POLR3F: variants seen among roughly 807,000 people sequenced by gnomAD.
The protein encoded by POLR3F is RNA polymerase III subunit F.
In POLR3F, 31 loss-of-function variants were observed where a neutral mutation model predicts 43.6. That is an observed-to-expected ratio of 0.71 (90% confidence interval 0.53 to 0.96). POLR3F has a LOEUF of 0.96. Among genes scored for constraint, POLR3F ranks in the 40% least tolerant of loss-of-function variants. The pLI, the probability that POLR3F is intolerant of heterozygous loss-of-function variation, is 0.00. For synonymous variants in POLR3F, 114 were observed against 132.5 expected, an observed-to-expected ratio of 0.86 and a Z score of 0.96; for missense variants, 316 against 391.7, an observed-to-expected ratio of 0.81 and a Z score of 1.63.
At chr20:18,480,593 GT>G (rs57962043) in intron 7 of POLR3F, 84 bp downstream of exon 7, 371,537 of 566,272 alleles carry the variant, frequency 0.66, 95,552 homozygotes, top group African/African-American at 0.72. Flanking sequence ...GACCCACATT[GT>G]TTTTTTTTTT....
rs761914472 is a variant in POLR3F, at chr20:18,480,083, C to T, written c.475C>T (p.Arg159Trp). 5 of 1,611,950 alleles carry T rather than the reference C, an allele frequency of 3.1e-6. No individual in the cohort carries two copies. The highest frequency in any genetic ancestry group is 1.1e-5 in the South Asian group (1 of 90,964). The stretch of plus-strand genomic sequence containing the variant: ...TATGCTCTATAACCTGCAGCCAGAC[C>T]GGTCTGTGACTGGTGGAGCCTGGTA... Reference protein sequence around the residue: ...VYMLYNLQPDRSVTGGAWYSD... With the variant: ...VYMLYNLQPDWSVTGGAWYSD... The change falls in exon 6 of 9, where the codon CGG becomes TGG. Residue 159 changes from arginine (R) to tryptophan (W), a missense_variant. By Grantham distance (101) the Arg-to-Trp change is moderately radical (BLOSUM62 -3). Coordinates refer to ENST00000377603, the MANE Select transcript of POLR3F (RefSeq NM_006466.4).
At chr20:18,478,058 A>T (rs1446651025) in intron 5 of POLR3F, among the ~76,000 whole-genome samples, 4 of 152,128 alleles carry the variant, frequency 2.6e-5, no homozygotes, top group Non-Finnish European at 5.9e-5. Flanking sequence ...GACAACTCCT[A>T]TCCTGAAACT....
At chr20:18,469,085 C>A (rs369717713) in intron 2 of POLR3F, 24 bp downstream of exon 2, 8 of 1,005,556 alleles carry the variant, frequency 8.0e-6, no homozygotes, top group Non-Finnish European at 1.3e-5. Context: ...AACTATTTTG[C>A]ATAATTACTG....
At position 18,469,004 on chromosome 20, in the gene POLR3F, A is replaced by T; in HGVS notation, c.123A>T (p.Glu41Asp). The change falls in exon 2 of 9, where the codon GAA (glutamate) becomes GAT (aspartate). Residue 41 changes from glutamate to aspartate, a missense_variant. Coordinates refer to ENST00000377603, the MANE Select transcript of POLR3F (RefSeq NM_006466.4). Reference sequence around the variant, plus strand: ...TCACAGACCAAGTAATTCAGAATGAAATGCCTCATATAGAAGCCCAGCAGC... The same window carrying T: ...TCACAGACCAAGTAATTCAGAATGATATGCCTCATATAGAAGCCCAGCAGC... ...HGITDQVIQN[E>D]MPHIEAQQRA... The T allele has an allele frequency of 6.2e-7, 1 of 1,600,874 alleles. No individual in the cohort carries two copies. The highest frequency in any genetic ancestry group is 8.6e-7 in the Non-Finnish European group (1 of 1,167,874).
intron 1 of POLR3F, 97 bp downstream of exon 1, chr20:18,467,665 G>C: frequency 6.3e-7 from 1 of 1,581,622 alleles, no homozygotes; most frequent in Non-Finnish European, 8.6e-7. Flanking sequence ...TGGCCGGAGC[G>C]GGTTAGGTGA....
In POLR3F at chr20:18,484,472, TA is replaced by T; in HGVS notation, c.*915del. On this transcript the variant is annotated 3_prime_UTR_variant, in exon 9 of 9. Transcript: ENST00000377603. ...CGCTCATGAATGGGATTAGTGCCCT[TA>T]TATAAAGAGACCCAGAGAGCTCCAT... The T allele has an allele frequency of 4.6e-6, 1 of 219,738 alleles. No homozygotes were observed. Among genetic ancestry groups the T allele is most frequent in the Non-Finnish European group, 8.9e-6 (1 of 112,672 alleles). 13.6% of individuals were successfully genotyped at this position (219,738 alleles called of 1,614,324 possible).
intron 7 of POLR3F, among the ~76,000 whole-genome samples, chr20:18,481,354 G>C (rs1009938542): frequency 2.0e-5 from 3 of 152,094 alleles, no homozygotes; most frequent in African/African-American, 7.2e-5. Context: ...CCATTCTCCT[G>C]CCTCAGCCTC....
At chr20:18,469,285 G>T in intron 2 of POLR3F, 2 of 488,634 alleles carry the variant, frequency 4.1e-6, no homozygotes, top group East Asian at 3.4e-5. Context: ...AGTTGGGTGA[G>T]CATCATCCAA....
intron 5 of POLR3F, among the ~76,000 whole-genome samples, chr20:18,475,806 T>A (rs2059776959): frequency 1.3e-5 from 2 of 152,214 alleles, no homozygotes; most frequent in Non-Finnish European, 2.9e-5. Context: ...TCTGTGGCAG[T>A]GAGTAGACCT....
chr20:18,478,332 C>T (rs1349909482), intron 5 of POLR3F, among the ~76,000 whole-genome samples: 2 of 152,056 alleles, frequency 1.3e-5, no homozygotes, highest in African/African-American at 4.8e-5. Flanking sequence ...CCTCCCACCA[C>T]AGCCTTCCAA....
At chr20:18,468,619 C>T (rs2059722868) in intron 1 of POLR3F, among the ~76,000 whole-genome samples, 3 of 151,950 alleles carry the variant, frequency 2.0e-5, no homozygotes, top group African/African-American at 7.3e-5. Flanking sequence ...TATGGCTTAA[C>T]TTTGTCATGC....
chr20:18,473,261 A>G (rs1474524135), intron 3 of POLR3F, 130 bp from the exon 4 acceptor site: 12 of 519,060 alleles, frequency 2.3e-5, no homozygotes, highest in Non-Finnish European at 4.3e-5. Context: ...ATTCTATTTA[A>G]GGTAAGCCTT....
intron 2 of POLR3F, among the ~76,000 whole-genome samples, chr20:18,472,597 T>G (rs1378752254): frequency 6.6e-6 from 1 of 151,840 alleles, no homozygotes; most frequent in Non-Finnish European, 1.5e-5. Flanking sequence ...TAATTTGGAT[T>G]TATATTGATT....
At position 18,467,580 on chromosome 20, in the gene POLR3F, A is replaced by C. The variant is rs981264249; in HGVS notation, c.62+12A>C. Reference sequence around the variant, plus strand: ...GAAATAGAAAACAGGTAAACCAGTGAGGCTCCGGCTTGGCACTCCATCAGG... The same window carrying C: ...GAAATAGAAAACAGGTAAACCAGTGCGGCTCCGGCTTGGCACTCCATCAGG... On this transcript the variant is annotated intron_variant, in intron 1 of 8. Coordinates refer to ENST00000377603, the MANE Select transcript of POLR3F (RefSeq NM_006466.4). 6.2e-7 allele frequency: 1 copy of C among 1,614,230 alleles called. No homozygotes were observed. The highest frequency in any genetic ancestry group is 1.1e-5 in the South Asian group (1 of 91,086).
At chr20:18,479,351 T>C (rs12625658) in intron 5 of POLR3F, among the ~76,000 whole-genome samples, 41,323 of 151,758 alleles carry the variant, frequency 0.27, 5,943 homozygotes, top group Middle Eastern at 0.35. Context: ...AAAAATTAGC[T>C]GGGCATGGTG....
In POLR3F at chr20:18,480,485, T is replaced by C. The variant is rs1601260589; in HGVS notation, c.657T>C (p.Tyr219=). ...CCTCATCACATGAAGTGTGGAAATA[T>C]ATCTGCGAATTGGGAATCAGTAAGG... ...SFASSHEVWK[Y]ICELGISKVE... Residue 219 remains tyrosine, a synonymous_variant, in exon 7 of 9, where the codon TAT becomes TAC. Coordinates refer to ENST00000377603, the MANE Select transcript of POLR3F (RefSeq NM_006466.4). The C allele has an allele frequency of 1.9e-6, 3 of 1,599,090 alleles. No homozygotes were observed. Among genetic ancestry groups the C allele is most frequent in the Non-Finnish European group, 2.6e-6 (3 of 1,166,430 alleles).
chr20:18,470,044 C>G (rs2059739963), intron 2 of POLR3F, among the ~76,000 whole-genome samples: 1 of 152,218 alleles, frequency 6.6e-6, no homozygotes, highest in African/African-American at 2.4e-5. Context: ...TGAAGCCATT[C>G]TCCATCTGTC....
rs2059731381 is a variant in POLR3F at position 18,469,026 on chromosome 20, C to A, written c.145C>A (p.Gln49Lys). The change falls in exon 2 of 9, where the codon CAG becomes AAG. Residue 49 changes from glutamine (Q) to lysine (K), a missense_variant. By Grantham distance (53) the Gln-to-Lys change is moderately conservative. Transcript: ENST00000377603. ...TGAAATGCCTCATATAGAAGCCCAGCAGCGGGCAGTAGCCATCAATAGGTT... is the reference window on the plus strand; with the variant it reads ...TGAAATGCCTCATATAGAAGCCCAGAAGCGGGCAGTAGCCATCAATAGGTT... Reference protein sequence around the residue: ...QNEMPHIEAQQRAVAINRLLS... With the variant: ...QNEMPHIEAQKRAVAINRLLS... The A allele has an allele frequency of 1.3e-6, 2 of 1,585,356 alleles. No individual in the cohort carries two copies. Among genetic ancestry groups the A allele is most frequent in the Admixed American group, 1.7e-5 (1 of 59,982 alleles).
chr20:18,483,358 T>G (rs2059820626), intron 8 of POLR3F, 123 bp from the exon 9 acceptor site: 1 of 524,190 alleles, frequency 1.9e-6, no homozygotes, highest in African/African-American at 2.0e-5. Context: ...AATATGTTCT[T>G]AAGTACAGTC....
Sources: allele counts gnomAD v4.1 joint callset (sites outside exome capture counted in the v4.1 genomes callset), GRCh38; gene constraint gnomAD v4.1.1; transcripts MANE v1.5; gene names NCBI Gene and HGNC (gene_info 2026-07-23, HGNC 2026-07-21).